Variants in DHPS observed in about 807,000 individuals in gnomAD.
DHPS encodes deoxyhypusine synthase, also known as migration-inducing gene 13.
In DHPS, 24 loss-of-function variants were observed where a neutral mutation model predicts 38.7. That is an observed-to-expected ratio of 0.62 (90% CI 0.45 to 0.87). The LOEUF is 0.87. Ranked by LOEUF, DHPS falls within the 40% of genes least tolerant of loss-of-function variation. DHPS has a pLI of 0.00. For missense variants in DHPS, 510 were observed against 497.6 expected, an observed-to-expected ratio of 1.02 and a Z score of -0.24; for synonymous variants, 250 against 204.4, an observed-to-expected ratio of 1.22 and a Z score of -1.90.
chr19:12,672,686 G>A, downstream of DHPS: 2 of 684,378 alleles, frequency 2.9e-6, no homozygotes, highest in Non-Finnish European at 5.1e-6. Flanking sequence ...AAATGATGGA[G>A]TAGGACGTAA....
At position 12,681,804 on chromosome 19, in the gene DHPS, G is replaced by A; in HGVS notation, c.-38C>T. On this transcript the variant is annotated 5_prime_UTR_variant, in exon 1 of 9. Coordinates refer to ENST00000210060, the MANE Select transcript of DHPS (RefSeq NM_001930.4). The stretch of plus-strand genomic sequence containing the variant: ...GGCTCTCGAGTCAAAGCTGCCCCTA[G>A]GCCGGGCTTACGGCGGCCCAGAAAC... 6.3e-7 allele frequency: 1 copy of A among 1,581,676 alleles called. No homozygotes were observed. The highest frequency in any genetic ancestry group is 8.6e-7 in the Non-Finnish European group (1 of 1,165,280).
chr19:12,673,019 T>C, downstream of DHPS: 1 of 1,520,452 alleles, frequency 6.6e-7, no homozygotes, highest in Non-Finnish European at 8.9e-7. Flanking sequence ...CCCCATCACC[T>C]GCACCTGCTT....
At chr19:12,673,183 C>A, downstream of DHPS, 2 of 1,613,708 alleles carry the variant, frequency 1.2e-6, no homozygotes, top group Non-Finnish European at 1.7e-6. Flanking sequence ...CCAAGCCCCC[C>A]GATCCTGTCC....
At chr19:12,675,957 A>G in intron 8 of DHPS, 24 bp from the exon 9 acceptor site, 2 of 1,602,638 alleles carry the variant, frequency 1.2e-6, no homozygotes, top group Non-Finnish European at 1.7e-6. Flanking sequence ...AACCTGGGTA[A>G]GCCATGGGAC....
At position 12,677,093 on chromosome 19, in the gene DHPS, G is replaced by A. The variant is rs374394052; in HGVS notation, c.888+15C>T. On this transcript the variant is annotated intron_variant, in intron 7 of 8. Transcript: ENST00000210060. Reference sequence around the variant, plus strand: ...GCATGTCTGCAGAGTGGGCCGAAGCGCCACCCCCACTCACCATGAGGTTGG... The same window carrying A: ...GCATGTCTGCAGAGTGGGCCGAAGCACCACCCCCACTCACCATGAGGTTGG... 4.6e-5 allele frequency: 74 copies of A among 1,611,418 alleles called. No individual in the cohort carries two copies. The highest frequency in any genetic ancestry group is 3.1e-4 in the African/African-American group (23 of 74,984).
rs754366240 is a variant in DHPS at position 12,677,371 on chromosome 19, G to A, written c.704C>T (p.Ala235Val). The A allele has an allele frequency of 6.2e-7, 1 of 1,614,106 alleles. No individual in the cohort carries two copies. The highest frequency in any genetic ancestry group is 8.5e-7 in the Non-Finnish European group (1 of 1,179,990). ...QKNHIPVFSP[A>V]LTDGSLGDMI... ...GTCGCCCAGCGAGCCGTCTGTAAGT[G>A]CGGGACTAAACACAGGGATGTGGTT... The change falls in exon 6 of 9, where the codon GCA (alanine) becomes GTA (valine). Residue 235 changes from alanine (A) to valine (V), a missense_variant. Transcript: ENST00000210060.
chr19:12,673,408 ATCTTTTT>A, downstream of DHPS: 2 of 266,036 alleles, frequency 7.5e-6, no homozygotes. Context: ...GAAGGCTAGG[ATCTTTTT>A]TTTTTTTTTT....
intron 1 of DHPS, chr19:12,681,228 T>C: frequency 8.0e-7 from 1 of 1,256,390 alleles, no homozygotes; most frequent in Non-Finnish European, 1.0e-6. Context: ...CCGCCCAGAC[T>C]TAGGCTCCTC....
At chr19:12,680,456 A>T in intron 1 of DHPS, 131 bp from the exon 2 acceptor site, 1 of 864,338 alleles carries the variant, frequency 1.2e-6, no homozygotes, top group Non-Finnish European at 1.8e-6. Context: ...TCTACAGGGG[A>T]CCAAGGAACA....
Position 12,679,468 on chromosome 19 carries a change from A to G in DHPS, c.667T>C (p.Trp223Arg). The G allele has an allele frequency of 6.2e-7, 1 of 1,614,182 alleles. No individual in the cohort carries two copies. Among genetic ancestry groups the G allele is most frequent in the Non-Finnish European group, 8.5e-7 (1 of 1,180,026 alleles). ...GCTTAGGTCCTCACCTTCTGGGCCC[A>G]GTAATACACGGACTCTGGGTTGTTG... ...EINNPESVYYWAQKNHIPVFS... is the reference protein window; with the variant it reads ...EINNPESVYYRAQKNHIPVFS... The change falls in exon 5 of 9, where the codon TGG (tryptophan) becomes CGG (arginine). Residue 223 changes from tryptophan to arginine, a missense_variant. By Grantham distance (101) the Trp-to-Arg change is moderately radical. Coordinates refer to ENST00000210060, the MANE Select transcript of DHPS (RefSeq NM_001930.4).
intron 1 of DHPS, 34 bp from the exon 2 acceptor site, chr19:12,680,359 G>A (rs999544208): frequency 6.2e-7 from 1 of 1,612,128 alleles, no homozygotes; most frequent in South Asian, 1.1e-5. Context: ...TTAAGCACTG[G>A]CCTTAAATCC....
In DHPS at chr19:12,681,587, C is replaced by A. The variant is rs1485405696; in HGVS notation, c.180G>T (p.Gly60=). 6.2e-7 allele frequency: 1 copy of A among 1,614,272 alleles called. No individual in the cohort carries two copies. ...GTTGFQATNF[G]RAVQQVNAMI... ...TGGCATTGACTTGCTGTACAGCGCG[C>A]CCGAAGTTGGTTGCTTGGAAGCCGG... Residue 60 remains glycine (G), a synonymous_variant, in exon 1 of 9, where the codon GGG becomes GGT. Transcript: ENST00000210060.
rs1324902449 is a variant in DHPS, at chr19:12,680,308, T to C, written c.225A>G (p.Glu75=). ...QVNAMIEKKL[E]PLSQDEDQHA... Reference sequence around the variant, plus strand: ...GCTGGTCTTCATCCTGTGACAGTGGTTCCAGCTTCTTCTCGATCTGTGAGT... The same window carrying C: ...GCTGGTCTTCATCCTGTGACAGTGGCTCCAGCTTCTTCTCGATCTGTGAGT... The change falls in exon 2 of 9, where the codon GAA becomes GAG. Residue 75 remains glutamate, a synonymous_variant. Transcript: ENST00000210060. 1 of 1,614,164 alleles carries C rather than the reference T, an allele frequency of 6.2e-7. No homozygotes were observed. Among genetic ancestry groups the C allele is most frequent in the South Asian group, 1.1e-5 (1 of 91,086 alleles).
At chr19:12,675,676 C>G, downstream of DHPS, 1 of 1,599,928 alleles carries the variant, frequency 6.3e-7, no homozygotes, top group Non-Finnish European at 8.5e-7. Context: ...AGGCTGAAGC[C>G]AGGGGACCCA....
chr19:12,679,264 C>T (rs2024717304), intron 5 of DHPS, among the ~76,000 whole-genome samples, 193 bp downstream of exon 5: 1 of 151,700 alleles, frequency 6.6e-6, no homozygotes, highest in South Asian at 2.1e-4. Context: ...CACCACTGCA[C>T]TCCAGCCTAG....
chr19:12,678,161 G>C (rs1234344293), intron 5 of DHPS, among the ~76,000 whole-genome samples: 1 of 151,862 alleles, frequency 6.6e-6, no homozygotes, highest in Non-Finnish European at 1.5e-5. Context: ...TTGATGCTGA[G>C]GCAGGAGAAT....
At chr19:12,672,890 C>A, downstream of DHPS, 1 of 1,596,906 alleles carries the variant, frequency 6.3e-7, no homozygotes, top group South Asian at 1.1e-5. Context: ...AAGGATGGGG[C>A]AGCTCTTCTC....
At chr19:12,681,532 G>A (rs372215804) in intron 1 of DHPS, 28 bp downstream of exon 1, 47 of 1,613,190 alleles carry the variant, frequency 2.9e-5, no homozygotes, top group African/African-American at 4.0e-5. Flanking sequence ...GCCCCTCCGC[G>A]TCCCTAGAAA....
At chr19:12,680,461 G>C (rs933610173) in intron 1 of DHPS, 136 bp from the exon 2 acceptor site, 1 of 836,274 alleles carries the variant, frequency 1.2e-6, no homozygotes, top group Non-Finnish European at 1.9e-6. Flanking sequence ...AGGGGACCAA[G>C]GAACATCTCC....
Sources: gnomAD v4.1 joint callset for allele counts (sites outside exome capture counted in the v4.1 genomes callset) on GRCh38, gnomAD v4.1.1 for gene constraint, MANE v1.5 for transcripts, NCBI Gene and HGNC (gene_info 2026-07-23, HGNC 2026-07-21) for gene names.